SLC13A5: variants seen among roughly 807,000 people sequenced by gnomAD.
The protein encoded by SLC13A5 is solute carrier family 13 member 5.
A neutral mutation model predicts 56.5 loss-of-function variants in SLC13A5; 25 were observed. The observed-to-expected ratio is 0.44, with a 90% CI of 0.32 to 0.62. SLC13A5 has a LOEUF of 0.62. SLC13A5 is among the 20% of genes least tolerant of loss of function. The pLI is 0.04. For missense variants in SLC13A5, 649 were observed against 737.8 expected, an observed-to-expected ratio of 0.88 and a Z score of 1.39; for synonymous variants, 307 against 301.5, an observed-to-expected ratio of 1.02 and a Z score of -0.19.
intron 6 of SLC13A5, among the ~76,000 whole-genome samples, chr17:6,696,659 G>T (rs1303665088): frequency 6.6e-6 from 1 of 152,134 alleles, no homozygotes; most frequent in Non-Finnish European, 1.5e-5. Context: ...GGGGAGCTCA[G>T]CTGTGGAGGG....
intron 6 of SLC13A5, among the ~76,000 whole-genome samples, chr17:6,697,003 G>A (rs1973580013): frequency 6.6e-6 from 1 of 152,126 alleles, no homozygotes; most frequent in African/African-American, 2.4e-5. Flanking sequence ...GGGTGCTCAG[G>A]GGTCAGAAAA....
chr17:6,687,747 A>G lies in SLC13A5; in HGVS notation c.1438-81T>C. 2 of 1,472,302 alleles carry G rather than the reference A, an allele frequency of 1.4e-6. No individual in the cohort carries two copies. Among genetic ancestry groups the G allele is most frequent in the South Asian group, 1.5e-5 (1 of 68,084 alleles). 91.2% of individuals were successfully genotyped at this position (1,472,302 alleles called of 1,614,324 possible). On this transcript the variant is annotated intron_variant, in intron 10 of 11. Coordinates refer to ENST00000433363, the MANE Select transcript of SLC13A5 (RefSeq NM_177550.5). This position sits in a 1 kb window ranked among gnomAD's most constrained non-coding sequence, Gnocchi z 5.0. ...CGTGATTCTGAAAAGGATTCTCTGA[A>G]TGTGCCGGGTACGTTTGAACCTCTG...
chr17:6,685,954 A>G lies in SLC13A5; in HGVS notation c.*253T>C. On this transcript the variant is annotated 3_prime_UTR_variant, in exon 12 of 12. Coordinates refer to ENST00000433363, the MANE Select transcript of SLC13A5 (RefSeq NM_177550.5). This position sits in a 1 kb window ranked among gnomAD's most constrained non-coding sequence, Gnocchi z 4.2. The stretch of plus-strand genomic sequence containing the variant: ...TGGCCTCCCTCACAGAGATAATGGC[A>G]AGGCTTGGGAAAGATGGGTCCAGCA... The G allele has an allele frequency of 2.0e-6, 1 of 504,920 alleles. No homozygotes were observed. Among genetic ancestry groups the G allele is most frequent in the Non-Finnish European group, 3.6e-6 (1 of 281,106 alleles). The allele number at this position is 504,920 out of a possible 1,614,324, so 31.3% of individuals were successfully genotyped here. A position where few individuals can be genotyped will look rare whatever the true frequency, so the allele number is the denominator to read the frequency against.
Position 6,701,434 on chromosome 17 carries a change from G to A in SLC13A5, c.717-308C>T, listed in dbSNP as rs1428438950. Among the ~76,000 whole-genome samples the A allele has an allele frequency of 7.9e-5, 12 of 152,208 alleles. No individual in the cohort carries two copies. Among genetic ancestry groups the A allele is most frequent in the African/African-American group, 2.4e-4 (10 of 41,450 alleles). On this transcript the variant is annotated intron_variant, in intron 5 of 11. Transcript: ENST00000433363. This position sits in a 1 kb window ranked among gnomAD's most constrained non-coding sequence, Gnocchi z 4.1. ...TCCAGAAAAATACAACTTTGTGGCC[G>A]GGCGCAGGGGCTCACGCCTGTAATT...
At position 6,695,843 on chromosome 17, in the gene SLC13A5, G is replaced by A; in HGVS notation, c.938C>T (p.Ser313Phe). The change falls in exon 7 of 12, where the codon TCC becomes TTC. Residue 313 changes from serine to phenylalanine, a missense_variant. Ser to Phe is a radical substitution (Grantham distance 155, BLOSUM62 -2). Coordinates refer to ENST00000433363, the MANE Select transcript of SLC13A5 (RefSeq NM_177550.5). ...QEEYRKLGPL[S>F]FAEINVLICF... ...GATCAGCACGTTGATCTCCGCGAAG[G>A]ACAAGGGCCCCAGCTTCCGGTACTC... The A allele has an allele frequency of 5.0e-6, 8 of 1,614,142 alleles. No homozygotes were observed. Among genetic ancestry groups the A allele is most frequent in the Non-Finnish European group, 5.9e-6 (7 of 1,180,026 alleles).
rs150818848 is a variant in SLC13A5 at position 6,703,582 on chromosome 17, T to A, written c.547+296A>T. On this transcript the variant is annotated intron_variant, in intron 4 of 11. Coordinates refer to ENST00000433363, the MANE Select transcript of SLC13A5 (RefSeq NM_177550.5). ...CAGGAGTAGCAAGGAGTGAGGGGCA[T>A]CCCTAAGTGCTCGAAAGATGCCCAA... is the stretch of plus-strand genomic sequence containing the variant. 4.0e-4 allele frequency among the ~76,000 whole-genome samples: 61 copies of A among 152,258 alleles called. No individual in the cohort carries two copies. In the East Asian group the frequency reaches 0.011, roughly 28 times the overall value.
In SLC13A5 at chr17:6,701,143, G is replaced by A. The variant is rs1973702319; in HGVS notation, c.717-17C>T. The A allele has an allele frequency of 1.9e-6, 3 of 1,613,012 alleles. No homozygotes were observed. Among genetic ancestry groups the A allele is most frequent in the Non-Finnish European group, 2.5e-6 (3 of 1,179,610 alleles). On this transcript the variant is annotated splice_polypyrimidine_tract_variant and intron_variant, in intron 5 of 11. Transcript: ENST00000433363. The surrounding 1 kb of genome is among the most constrained non-coding windows in gnomAD (Gnocchi z 4.1). ...GGAAACAACCTACAAGAAGACACCG[G>A]CCCCCACCTCAGATGCTGAGCTGTG...
chr17:6,694,906 C>A (rs1424750060), intron 7 of SLC13A5, among the ~76,000 whole-genome samples: 1 of 152,194 alleles, frequency 6.6e-6, no homozygotes, highest in African/African-American at 2.4e-5. Context: ...CTAGGATGTA[C>A]ATGTTTCTCA....
In SLC13A5 at chr17:6,713,080, T is replaced by G; in HGVS notation, c.102+152A>C. On this transcript the variant is annotated intron_variant, in intron 1 of 11. Transcript: ENST00000433363. This position sits in a 1 kb window ranked among gnomAD's most constrained non-coding sequence, Gnocchi z 7.3. ...CAGATTCTTTACAGGGCACCTCCCATCCGGCACCTGGAGCTCCTGAGTGCG... is the reference window on the plus strand; with the variant it reads ...CAGATTCTTTACAGGGCACCTCCCAGCCGGCACCTGGAGCTCCTGAGTGCG... 1 of 719,990 alleles carries G rather than the reference T, an allele frequency of 1.4e-6. No homozygotes were observed. Among genetic ancestry groups the G allele is most frequent in the Non-Finnish European group, 2.3e-6 (1 of 432,042 alleles). 44.6% of individuals were successfully genotyped at this position (719,990 alleles called of 1,614,324 possible).
Position 6,687,231 on chromosome 17 carries a change from A to C in SLC13A5, c.1575+298T>G, listed in dbSNP as rs535881841. The C allele has an allele frequency of 5.8e-6, 2 of 347,538 alleles. No individual in the cohort carries two copies. Among genetic ancestry groups the C allele is most frequent in the East Asian group, 7.7e-5 (1 of 13,020 alleles). The allele number at this position is 347,538 out of a possible 1,614,324, so 21.5% of individuals were successfully genotyped here. On this transcript the variant is annotated intron_variant, in intron 11 of 11. Coordinates refer to ENST00000433363, the MANE Select transcript of SLC13A5 (RefSeq NM_177550.5). The surrounding 1 kb of genome is among the most constrained non-coding windows in gnomAD (Gnocchi z 5.0). ...TGTCAAGTTCATCCTTGGCCATATG[A>C]GTCCCTCAGCCCCACCTTCACCCCT...
chr17:6,709,307 G>A (rs962915052), intron 1 of SLC13A5, among the ~76,000 whole-genome samples: 1 of 151,716 alleles, frequency 6.6e-6, no homozygotes, highest in African/African-American at 2.4e-5. Flanking sequence ...GCCTTGCTCT[G>A]TCCCCAGGCT....
Position 6,701,257 on chromosome 17 carries a change from T to C in SLC13A5, c.717-131A>G. The C allele has an allele frequency of 7.7e-7, 1 of 1,296,784 alleles. No individual in the cohort carries two copies. The highest frequency in any genetic ancestry group is 1.1e-6 in the Non-Finnish European group (1 of 949,620). The allele number at this position is 1,296,784 out of a possible 1,614,324, so 80.3% of individuals were successfully genotyped here. On this transcript the variant is annotated intron_variant, in intron 5 of 11. Coordinates refer to ENST00000433363, the MANE Select transcript of SLC13A5 (RefSeq NM_177550.5). The surrounding 1 kb of genome is among the most constrained non-coding windows in gnomAD (Gnocchi z 4.1). ...GTGGAGGCCACATCCTCCTGAGGTC[T>C]AGCCACCAAGTCCATTGCCAAGCAT...
At chr17:6,706,560 C>T (rs1973868186) in intron 3 of SLC13A5, 82 bp downstream of exon 3, 1 of 1,542,600 alleles carries the variant, frequency 6.5e-7, no homozygotes, top group Non-Finnish European at 8.8e-7. Context: ...CAGTGGATGG[C>T]CTGGTCTGTG....
At chr17:6,698,328 G>A (rs1161022557) in intron 6 of SLC13A5, among the ~76,000 whole-genome samples, 7 of 152,236 alleles carry the variant, frequency 4.6e-5, no homozygotes, top group Admixed American at 4.6e-4. Context: ...GGCCGTGCCA[G>A]GCTGGGTGGA....
At chr17:6,686,642 A>G (rs1449569823) in intron 11 of SLC13A5, 3 of 340,388 alleles carry the variant, frequency 8.8e-6, no homozygotes, top group African/African-American at 6.3e-5. Flanking sequence ...CACAGAGCCC[A>G]GTGTTCCGTG....
intron 3 of SLC13A5, chr17:6,705,501 A>C (rs1385882585): frequency 6.6e-6 from 1 of 152,170 alleles, no homozygotes; most frequent in African/African-American, 2.4e-5. Flanking sequence ...CCTGAGGTCC[A>C]CTTTCCTGGG....
At chr17:6,698,423 C>T (rs1973617737) in intron 6 of SLC13A5, among the ~76,000 whole-genome samples, 1 of 152,240 alleles carries the variant, frequency 6.6e-6, no homozygotes, top group South Asian at 2.1e-4. Flanking sequence ...CCCTTGCGGC[C>T]TCGGCGCCAT....
Position 6,687,144 on chromosome 17 carries a change from T to G in SLC13A5, c.1575+385A>C. 2 of 227,072 alleles carry G rather than the reference T, an allele frequency of 8.8e-6. No homozygotes were observed. The highest frequency in any genetic ancestry group is 1.7e-5 in the Non-Finnish European group (2 of 115,998). The allele number at this position is 227,072 out of a possible 1,614,324, so 14.1% of individuals were successfully genotyped here. A position where few individuals can be genotyped will look rare whatever the true frequency, so the allele number is the denominator to read the frequency against. Reference sequence around the variant, plus strand: ...AGGCACCCCTACAAATCTCTGTGACTGTCATTAGCATCCCCCTGCTGCCTA... The same window carrying G: ...AGGCACCCCTACAAATCTCTGTGACGGTCATTAGCATCCCCCTGCTGCCTA... On this transcript the variant is annotated intron_variant, in intron 11 of 11. Transcript: ENST00000433363. The surrounding 1 kb of genome is among the most constrained non-coding windows in gnomAD (Gnocchi z 5.0).
chr17:6,694,000 G>A, intron 8 of SLC13A5, 97 bp downstream of exon 8: 1 of 629,040 alleles, frequency 1.6e-6, no homozygotes, highest in African/African-American at 1.9e-5. Flanking sequence ...TGGATATGAT[G>A]GGATTTTCTC....
Sources: gnomAD v4.1 joint callset for allele counts (sites outside exome capture counted in the v4.1 genomes callset) on GRCh38, gnomAD v4.1.1 for gene constraint, Gnocchi (gnomAD v3.1) non-coding constraint, MANE v1.5 for transcripts, NCBI Gene and HGNC (gene_info 2026-07-23, HGNC 2026-07-21) for gene names.